The following NCOA1 variants were observed in gnomAD, a reference collection of about 807,000 sequenced individuals.
The protein encoded by NCOA1 is Hin-2 protein.
In NCOA1, 35 loss-of-function variants were observed where a neutral mutation model predicts 150.9. The observed-to-expected ratio is 0.23, with a 90% CI of 0.18 to 0.31. The LOEUF (loss-of-function observed/expected upper bound fraction) is 0.31, where lower values mean the gene tolerates loss of function less well. NCOA1 is among the 10% of genes least tolerant of loss of function. The pLI, the probability that NCOA1 is intolerant of heterozygous loss-of-function variation, is 1.00. For missense variants in NCOA1, 1,491 were observed against 1,749.3 expected (o/e 0.85, Z 2.63); for synonymous variants, 590 against 630.0 (o/e 0.94, Z 0.95).
chr2:24,693,182 A>T, intron 9 of NCOA1, 70 bp from the exon 10 acceptor site: 2 of 1,418,640 alleles, frequency 1.4e-6, no homozygotes, highest in South Asian at 1.1e-5. Flanking sequence ...GAAAACCATT[A>T]ATGGCGAGTG....
At chr2:24,575,092 T>C (rs200948563) in intron 2 of NCOA1, among the ~76,000 whole-genome samples, 104 of 147,490 alleles carry the variant, frequency 7.1e-4, no homozygotes, top group African/African-American at 2.4e-3. Flanking sequence ...TCTTTTTTTT[T>C]CCTCTGTTTT....
At chr2:24,615,198 A>G (rs1558841180) in intron 3 of NCOA1, among the ~76,000 whole-genome samples, 2 of 152,216 alleles carry the variant, frequency 1.3e-5, no homozygotes, top group Non-Finnish European at 2.9e-5. Context: ...TGGATAAATT[A>G]TGTATTTATG....
chr2:24,675,570 G>A (rs1671865754), intron 7 of NCOA1, among the ~76,000 whole-genome samples: 1 of 152,142 alleles, frequency 6.6e-6, no homozygotes, highest in South Asian at 2.1e-4. Flanking sequence ...TTTACTAGGG[G>A]AAAAGATGAT....
At chr2:24,749,804 G>C (rs1664126379) in intron 19 of NCOA1, among the ~76,000 whole-genome samples, 1 of 152,084 alleles carries the variant, frequency 6.6e-6, no homozygotes, top group South Asian at 2.1e-4. Flanking sequence ...CAAAGAAGTA[G>C]GAAAATACTA....
At chr2:24,583,365 C>T (rs903575625) in intron 2 of NCOA1, among the ~76,000 whole-genome samples, 2 of 151,900 alleles carry the variant, frequency 1.3e-5, no homozygotes, top group African/African-American at 4.8e-5. Context: ...GATTATTTCA[C>T]CTCAGAATGG....
At chr2:24,537,267 C>G (rs949980150) in intron 1 of NCOA1, among the ~76,000 whole-genome samples, 2 of 148,662 alleles carry the variant, frequency 1.3e-5, no homozygotes, top group Admixed American at 1.3e-4. Context: ...CACACACACA[C>G]AGACACACAA....
intron 3 of NCOA1, among the ~76,000 whole-genome samples, chr2:24,634,769 T>C (rs986153863): frequency 7.8e-6 from 1 of 127,730 alleles, no homozygotes; most frequent in Non-Finnish European, 1.6e-5. Flanking sequence ...TGGATTGCAG[T>C]GGCACAATTA....
At chr2:24,744,305 C>G (rs908583005) in intron 19 of NCOA1, among the ~76,000 whole-genome samples, 1 of 152,176 alleles carries the variant, frequency 6.6e-6, no homozygotes, top group Non-Finnish European at 1.5e-5. Context: ...ACAAACAAAA[C>G]CCAAATGCTG....
rs1663559345 is a variant in NCOA1 at position 24,740,712 on chromosome 2, T to G, written c.3304-1072T>G. ...TTCTCTGTCTTACAAATTATAAATC[T>G]TAGTGCTAGCTAATTCAGGAGTAAT... On this transcript the variant is annotated intron_variant, in intron 18 of 22. Transcript: ENST00000348332. Among the ~76,000 whole-genome samples the G allele has an allele frequency of 2.6e-5, 4 of 152,356 alleles. 1 individual carries two copies. The South Asian group carries it at 8.3e-4, about 32-fold the overall frequency.
intron 2 of NCOA1, among the ~76,000 whole-genome samples, chr2:24,569,827 G>C (rs1245764145): frequency 6.8e-6 from 1 of 147,534 alleles, no homozygotes; most frequent in Non-Finnish European, 1.5e-5. Context: ...CCAAGATCGC[G>C]CCACTGCACT....
intron 17 of NCOA1, among the ~76,000 whole-genome samples, chr2:24,738,242 G>A (rs988829555): frequency 5.3e-5 from 8 of 151,356 alleles, no homozygotes; most frequent in Admixed American, 2.0e-4. Context: ...AACTTTCGTA[G>A]GCTTTCTAGT....
intron 1 of NCOA1, among the ~76,000 whole-genome samples, chr2:24,543,990 G>A (rs1572401571): frequency 6.6e-6 from 1 of 152,204 alleles, no homozygotes; most frequent in Non-Finnish European, 1.5e-5. Flanking sequence ...GTATTCATTT[G>A]TTCTAACAAG....
At chr2:24,553,254 C>T (rs1216687353) in intron 1 of NCOA1, among the ~76,000 whole-genome samples, 1 of 151,224 alleles carries the variant, frequency 6.6e-6, no homozygotes, top group Non-Finnish European at 1.5e-5. Flanking sequence ...GGGTCTCACT[C>T]TGTCGCCCAG....
At chr2:24,687,798 T>G (rs1244079139) in intron 8 of NCOA1, among the ~76,000 whole-genome samples, 1 of 152,120 alleles carries the variant, frequency 6.6e-6, no homozygotes, top group Non-Finnish European at 1.5e-5. Flanking sequence ...CATGTGGGGA[T>G]TACAGTTTGA....
At chr2:24,525,014 C>T (rs143854003) in intron 1 of NCOA1, among the ~76,000 whole-genome samples, 180 of 152,300 alleles carry the variant, frequency 1.2e-3, no homozygotes, top group South Asian at 5.8e-3. Flanking sequence ...CAGTGTAGGG[C>T]TAGTGCAGGG....
chr2:24,500,496 G>C (rs1277210832), intron 1 of NCOA1, among the ~76,000 whole-genome samples: 2 of 152,144 alleles, frequency 1.3e-5, no homozygotes, highest in Non-Finnish European at 2.9e-5. Flanking sequence ...CTGTTGTGGT[G>C]GTTTGTAGTT....
chr2:24,558,827 C>G (rs979257710), intron 1 of NCOA1, among the ~76,000 whole-genome samples: 1 of 152,040 alleles, frequency 6.6e-6, no homozygotes, highest in South Asian at 2.1e-4. Context: ...TGAGGTGATA[C>G]CTAGAGGTGT....
At chr2:24,517,998 T>A (rs1664273826) in intron 1 of NCOA1, among the ~76,000 whole-genome samples, 1 of 152,190 alleles carries the variant, frequency 6.6e-6, no homozygotes, top group Admixed American at 6.5e-5. Context: ...ATATTCTTAC[T>A]ATGTGTTTTT....
chr2:24,736,250 GA>G (rs1216526880), intron 17 of NCOA1, among the ~76,000 whole-genome samples: 1 of 149,240 alleles, frequency 6.7e-6, no homozygotes, highest in Non-Finnish European at 1.5e-5. Context: ...AAAAGAAAAA[GA>G]AAATGGTATC....
Sources: allele counts gnomAD v4.1 joint callset (sites outside exome capture counted in the v4.1 genomes callset), GRCh38; gene constraint gnomAD v4.1.1; transcripts MANE v1.5; gene names NCBI Gene and HGNC (gene_info 2026-07-23, HGNC 2026-07-21).